The following RBFOX1 variants were observed in gnomAD, a reference collection of about 807,000 sequenced individuals.
The protein encoded by RBFOX1 is RNA binding protein fox-1 homolog 1.
A neutral mutation model predicts 57.7 loss-of-function variants in RBFOX1; 8 were observed. The observed-to-expected ratio is 0.14, with a 90% CI of 0.08 to 0.25. The LOEUF is 0.25. Ranked by LOEUF, RBFOX1 falls within the 10% of genes least tolerant of loss-of-function variation. RBFOX1 has a pLI of 1.00. For synonymous variants in RBFOX1, 326 were observed against 222.4 expected (o/e 1.47, Z -4.15); for missense variants, 611 against 548.5 (o/e 1.11, Z -1.14).
chr16:6,823,496 A>G (rs551564104), intron 3 of RBFOX1, among the ~76,000 whole-genome samples: 1 of 151,932 alleles, frequency 6.6e-6, no homozygotes, highest in African/African-American at 2.4e-5. Context: ...GTCTCAGGTC[A>G]TCTGTATGCC....
intron 4 of RBFOX1, among the ~76,000 whole-genome samples, chr16:7,418,391 A>G (rs1185298500): frequency 4.6e-5 from 7 of 152,202 alleles, no homozygotes; most frequent in South Asian, 2.1e-4. Context: ...ATACTTGCCC[A>G]TGTCCCATGG....
At chr16:6,607,502 C>T (rs567820362) in intron 2 of RBFOX1, among the ~76,000 whole-genome samples, 16 of 149,244 alleles carry the variant, frequency 1.1e-4, no homozygotes, top group Admixed American at 9.4e-4. Flanking sequence ...TCCTCTCTCT[C>T]CCCTCTCTTC....
chr16:6,901,466 C>T (rs974914469), intron 3 of RBFOX1, among the ~76,000 whole-genome samples: 1 of 152,126 alleles, frequency 6.6e-6, no homozygotes, highest in Non-Finnish European at 1.5e-5. Flanking sequence ...TATGTCTGCC[C>T]CTACGACTCT....
chr16:7,482,005 C>G (rs1343136295), intron 4 of RBFOX1, among the ~76,000 whole-genome samples: 1 of 152,168 alleles, frequency 6.6e-6, no homozygotes, highest in African/African-American at 2.4e-5. Context: ...CACTTTCACA[C>G]CATTGTAAAG....
chr16:6,212,097 A>T (rs956430341), intron 1 of RBFOX1, among the ~76,000 whole-genome samples: 6 of 152,030 alleles, frequency 3.9e-5, no homozygotes, highest in Admixed American at 3.9e-4. Flanking sequence ...GCCTCAAGTG[A>T]TCTGCCAACC....
chr16:7,621,628 T>A (rs2059335689), intron 10 of RBFOX1, among the ~76,000 whole-genome samples: 2 of 152,186 alleles, frequency 1.3e-5, no homozygotes, highest in South Asian at 4.1e-4. Context: ...AAAGCCTGTG[T>A]TTGAAAAAAG....
chr16:7,302,994 G>A (rs947057337), intron 4 of RBFOX1, among the ~76,000 whole-genome samples: 1 of 152,174 alleles, frequency 6.6e-6, no homozygotes, highest in African/African-American at 2.4e-5. Context: ...CCCTGCAGCC[G>A]ACGGAGTAAT....
chr16:7,136,522 T>G (rs1364522166), intron 4 of RBFOX1, among the ~76,000 whole-genome samples: 1 of 149,998 alleles, frequency 6.7e-6, no homozygotes, highest in African/African-American at 2.5e-5. Context: ...TTTTCTAACC[T>G]CATCCGCTCG....
At chr16:5,983,349 C>G (rs915801105) in intron 4 of RBFOX1, among the ~76,000 whole-genome samples, 2 of 152,204 alleles carry the variant, frequency 1.3e-5, no homozygotes, top group Non-Finnish European at 2.9e-5. Flanking sequence ...CCTGCACATC[C>G]ACTTAGACGT....
intron 3 of RBFOX1, among the ~76,000 whole-genome samples, chr16:7,029,188 A>T (rs2042067258): frequency 3.2e-5 from 2 of 62,538 alleles, no homozygotes; most frequent in Non-Finnish European, 9.0e-5. Flanking sequence ...ACGTGTATAT[A>T]TACACATATG....
chr16:7,413,089 A>T (rs947186334), intron 4 of RBFOX1, among the ~76,000 whole-genome samples: 6 of 152,108 alleles, frequency 3.9e-5, no homozygotes, highest in Non-Finnish European at 8.8e-5. Flanking sequence ...AAAAAATAAA[A>T]AAATAAATTA....
intron 1 of RBFOX1, among the ~76,000 whole-genome samples, chr16:6,117,183 AAGGGTGAG>A (rs1234306999): frequency 2.6e-5 from 4 of 152,282 alleles, no homozygotes; most frequent in African/African-American, 9.6e-5. Flanking sequence ...TCCCTGTGAA[AAGGGTGAG>A]AGTTCAGGGG....
At chr16:6,085,692 G>A (rs2096074070) in intron 1 of RBFOX1, among the ~76,000 whole-genome samples, 4 of 146,040 alleles carry the variant, frequency 2.7e-5, no homozygotes, top group African/African-American at 7.4e-5. Flanking sequence ...ATGCGCGCAC[G>A]CACATGCACG....
At chr16:6,970,399 T>G (rs973516875) in intron 3 of RBFOX1, among the ~76,000 whole-genome samples, 1 of 152,212 alleles carries the variant, frequency 6.6e-6, no homozygotes, top group African/African-American at 2.4e-5. Context: ...CCTTAATGTT[T>G]CACTGACTTA....
chr16:5,470,014 C>G (rs2069080886), intron 2 of RBFOX1, among the ~76,000 whole-genome samples: 1 of 152,110 alleles, frequency 6.6e-6, no homozygotes, highest in Non-Finnish European at 1.5e-5. Flanking sequence ...GGGTATATAC[C>G]TAGGAGTGGA....
intron 3 of RBFOX1, among the ~76,000 whole-genome samples, chr16:6,846,357 G>C (rs1338322766): frequency 6.6e-6 from 1 of 152,160 alleles, no homozygotes; most frequent in African/African-American, 2.4e-5. Flanking sequence ...TTAACGCAGG[G>C]TGGCTTCCCA....
chr16:7,397,042 C>G (rs949578836), intron 4 of RBFOX1, among the ~76,000 whole-genome samples: 3 of 152,148 alleles, frequency 2.0e-5, no homozygotes, highest in African/African-American at 7.2e-5. Context: ...TTTAGGAGAA[C>G]GTGAGGTCTA....
intron 4 of RBFOX1, among the ~76,000 whole-genome samples, chr16:7,486,452 G>A (rs997952187): frequency 6.6e-6 from 1 of 151,928 alleles, no homozygotes; most frequent in Non-Finnish European, 1.5e-5. Flanking sequence ...TCTTTTCTAC[G>A]TGGACAGTTA....
intron 1 of RBFOX1, among the ~76,000 whole-genome samples, chr16:6,298,088 C>T (rs139271323): frequency 5.8e-4 from 88 of 152,266 alleles, no homozygotes; most frequent in Middle Eastern, 3.4e-3. Context: ...TTAAGCCATC[C>T]GTGGATGGCA....
Sources: allele counts gnomAD v4.1 joint callset (sites outside exome capture counted in the v4.1 genomes callset), GRCh38; gene constraint gnomAD v4.1.1; transcripts MANE v1.5; gene names NCBI Gene and HGNC (gene_info 2026-07-23, HGNC 2026-07-21).